The following SCN1A variants were observed in gnomAD, a reference collection of about 807,000 sequenced individuals.
SCN1A encodes sodium voltage-gated channel alpha subunit 1, also known as sodium channel protein type 1 subunit alpha.
In SCN1A, 13 loss-of-function variants were observed where a neutral mutation model predicts 193.7. The ratio of observed to expected loss-of-function variants is 0.07; its 90% confidence interval spans 0.04 to 0.11. The LOEUF is 0.11. Among genes scored for constraint, SCN1A ranks in the 10% least tolerant of loss-of-function variants. The pLI is 1.00. For synonymous variants in SCN1A, 781 were observed against 843.6 expected (o/e 0.93, Z 1.29); for missense variants, 1,432 against 2,451.1 (o/e 0.58, Z 8.78).
chr2:166,013,684 C>T, intron 21 of SCN1A, 60 bp downstream of exon 21: 1 of 1,459,654 alleles, frequency 6.9e-7, no homozygotes, highest in Non-Finnish European at 9.6e-7. Context: ...ATTAATAAGT[C>T]ATCAGTATTA....
intron 2 of SCN1A, among the ~76,000 whole-genome samples, chr2:166,105,502 C>T (rs1035345406): frequency 2.6e-5 from 4 of 152,184 alleles, no homozygotes; most frequent in Non-Finnish European, 5.9e-5. Context: ...ATAATCATCA[C>T]GTATTTGACC....
intron 2 of SCN1A, among the ~76,000 whole-genome samples, chr2:166,122,376 A>G (rs1690697597): frequency 6.6e-6 from 1 of 152,226 alleles, no homozygotes; most frequent in South Asian, 2.1e-4. Context: ...TTTTCAGTGG[A>G]GTCACAAATG....
At position 166,075,345 on chromosome 2, in the gene SCN1A, G is replaced by A. The variant is rs1341479703; in HGVS notation, c.-49-1675C>T. 3.3e-5 allele frequency: 5 copies of A among 151,742 alleles called. No individual in the cohort carries two copies. In the East Asian group the frequency reaches 9.7e-4, roughly 29 times the overall value. 9.4% of individuals were successfully genotyped at this position (151,742 alleles called of 1,614,324 possible). On this transcript the variant is annotated intron_variant, in intron 3 of 28. Coordinates refer to ENST00000674923, the MANE Select transcript of SCN1A (RefSeq NM_001165963.4). ...TACTTATCTCCCATATATATTTCCA[G>A]GTATTCAATAGGTATATGCTAGAAC...
chr2:166,086,516 A>G (rs1468787687), intron 2 of SCN1A, among the ~76,000 whole-genome samples: 1 of 152,038 alleles, frequency 6.6e-6, no homozygotes, highest in Non-Finnish European at 1.5e-5. Flanking sequence ...CTCCTCCTAT[A>G]ACTTATTGAA....
intron 19 of SCN1A, among the ~76,000 whole-genome samples, chr2:166,027,936 G>A (rs1438689722): frequency 2.0e-5 from 3 of 152,068 alleles, no homozygotes; most frequent in African/African-American, 7.2e-5. Context: ...CATTTCCACA[G>A]GGCAGCTAGA....
upstream of SCN1A, among the ~76,000 whole-genome samples, chr2:166,132,711 C>A (rs1691708550): frequency 6.6e-6 from 1 of 152,048 alleles, no homozygotes; most frequent in Admixed American, 6.6e-5. Flanking sequence ...TTCAAAATAT[C>A]TTATAGGTAC....
intron 1 of SCN1A, among the ~76,000 whole-genome samples, chr2:166,147,499 A>G (rs1016009718): frequency 2.6e-5 from 4 of 152,202 alleles, no homozygotes; most frequent in Admixed American, 2.6e-4. Flanking sequence ...ATTATAGACA[A>G]TTTGAACACT....
intron 16 of SCN1A, among the ~76,000 whole-genome samples, chr2:166,040,447 G>A (rs1445397868): frequency 2.6e-5 from 4 of 152,180 alleles, no homozygotes; most frequent in South Asian, 2.1e-4. Flanking sequence ...TACTTCTGTA[G>A]TATAAATAGT....
chr2:166,114,138 A>G (rs1262442082), intron 2 of SCN1A, among the ~76,000 whole-genome samples: 1 of 152,202 alleles, frequency 6.6e-6, no homozygotes, highest in African/African-American at 2.4e-5. Flanking sequence ...AATTTCTTAA[A>G]AAGTTTGTAT....
chr2:166,092,776 C>T (rs948325237), intron 2 of SCN1A: 1 of 152,118 alleles, frequency 6.6e-6, no homozygotes, highest in Non-Finnish European at 1.5e-5. Flanking sequence ...TGGTTGTAGT[C>T]CTTAACAAAA....
intron 4 of SCN1A, among the ~76,000 whole-genome samples, chr2:166,072,785 T>C (rs868452077): frequency 1.6e-5 from 2 of 123,166 alleles, no homozygotes; most frequent in Non-Finnish European, 3.2e-5. Flanking sequence ...TAGCTGCCTC[T>C]TTCTTTCCTT....
At chr2:166,030,406 CT>C (rs11345139) in intron 19 of SCN1A, among the ~76,000 whole-genome samples, 111,503 of 151,418 alleles carry the variant, frequency 0.74, 41,431 homozygotes, top group East Asian at 0.89. Flanking sequence ...ACCTGAATTA[CT>C]AAGGACCTCA....
At chr2:166,024,372 T>C (rs1164301771) in intron 19 of SCN1A, among the ~76,000 whole-genome samples, 5 of 152,220 alleles carry the variant, frequency 3.3e-5, no homozygotes, top group Non-Finnish European at 5.9e-5. Context: ...ATTAGCTGTA[T>C]ATGAAATATT....
At chr2:166,105,976 A>G (rs1269671079) in intron 2 of SCN1A, among the ~76,000 whole-genome samples, 4 of 152,208 alleles carry the variant, frequency 2.6e-5, no homozygotes, top group African/African-American at 9.6e-5. Flanking sequence ...TCACGAGGTC[A>G]GGAGATCGAG....
At chr2:166,028,766 C>T (rs2105743736) in intron 19 of SCN1A, among the ~76,000 whole-genome samples, 1 of 152,222 alleles carries the variant, frequency 6.6e-6, no homozygotes, top group Non-Finnish European at 1.5e-5. Context: ...ATGTGCCAGG[C>T]ATCAAAACTA....
intron 16 of SCN1A, 154 bp downstream of exon 16, chr2:166,041,077 A>G (rs868760454): frequency 1.5e-6 from 1 of 660,700 alleles, no homozygotes; most frequent in Non-Finnish European, 2.7e-6. Flanking sequence ...TTTTGGCAAA[A>G]AAGTAGAGTA....
Position 166,052,125 on chromosome 2 carries a change from A to C in SCN1A, c.695-137T>G. ...AACGCTAGTGGAGAAGCAACACTTC[A>C]TTGAAGGGGAAGAACTTATGAAGAT... is the stretch of plus-strand genomic sequence containing the variant. On this transcript the variant is annotated intron_variant, in intron 8 of 28. Coordinates refer to ENST00000674923, the MANE Select transcript of SCN1A (RefSeq NM_001165963.4). 3 of 696,954 alleles carry C rather than the reference A, an allele frequency of 4.3e-6. No homozygotes were observed. In the Admixed American group the frequency reaches 8.6e-5, roughly 20 times the overall value. 43.2% of individuals were successfully genotyped at this position (696,954 alleles called of 1,614,324 possible). A position where few individuals can be genotyped will look rare whatever the true frequency, so the allele number is the denominator to read the frequency against.
chr2:166,015,243 A>G (rs1410896846), intron 20 of SCN1A, among the ~76,000 whole-genome samples: 1 of 151,882 alleles, frequency 6.6e-6, no homozygotes. Context: ...AGCACTAGCA[A>G]TCCGTTTAGT....
chr2:166,106,958 T>C (rs1688761799), intron 2 of SCN1A, among the ~76,000 whole-genome samples: 1 of 152,192 alleles, frequency 6.6e-6, no homozygotes, highest in African/African-American at 2.4e-5. Context: ...GGCAATACAC[T>C]GGTAACTGTC....
Sources: gnomAD v4.1 joint callset for allele counts (sites outside exome capture counted in the v4.1 genomes callset) on GRCh38, gnomAD v4.1.1 for gene constraint, MANE v1.5 for transcripts, NCBI Gene and HGNC (gene_info 2026-07-23, HGNC 2026-07-21) for gene names.